CDC14B: variants seen among roughly 807,000 people sequenced by gnomAD.
CDC14B encodes the protein cell division cycle 14B.
CDC14B carries 22 observed loss-of-function variants against 64.2 expected under a neutral mutation model. That is an observed-to-expected ratio of 0.34 (90% CI 0.24 to 0.49). The LOEUF is 0.49. Among genes scored for constraint, CDC14B ranks in the 20% least tolerant of loss-of-function variants. The pLI is 0.99. For synonymous variants in CDC14B, 191 were observed against 215.8 expected, an observed-to-expected ratio of 0.89 and a Z score of 1.01; for missense variants, 498 against 629.9, an observed-to-expected ratio of 0.79 and a Z score of 2.24.
chr9:96,601,998 TC>T (rs530131096), intron 1 of CDC14B, among the ~76,000 whole-genome samples: 1 of 133,902 alleles, frequency 7.5e-6, no homozygotes, highest in Non-Finnish European at 1.6e-5. Context: ...GGCGGAGCTT[TC>T]AGTGAGCCAG....
intron 1 of CDC14B, among the ~76,000 whole-genome samples, chr9:96,587,352 G>A (rs1378990756): frequency 6.6e-6 from 1 of 152,308 alleles, no homozygotes; most frequent in Non-Finnish European, 1.5e-5. Flanking sequence ...AGCACACACG[G>A]AGGAAATAAA....
chr9:96,530,296 G>GCT (rs1838248254), intron 9 of CDC14B, among the ~76,000 whole-genome samples: 1 of 142,360 alleles, frequency 7.0e-6, no homozygotes, highest in Admixed American at 7.1e-5. Context: ...TTCTCTCTCT[G>GCT]TTTTTTTTTT....
chr9:96,505,154 C>T (rs187707502), intron 13 of CDC14B, among the ~76,000 whole-genome samples: 1 of 151,086 alleles, frequency 6.6e-6, no homozygotes, highest in East Asian at 1.9e-4. Context: ...GCACTCCAGC[C>T]TGGGTAACAG....
At chr9:96,517,643 C>CAAAAAAAAAA (rs1016405679) in intron 12 of CDC14B, among the ~76,000 whole-genome samples, 23 of 34,628 alleles carry the variant, frequency 6.6e-4, no homozygotes, top group African/African-American at 3.1e-3. Flanking sequence ...GACTCCGTCT[C>CAAAAAAAAAA]AAAAAAAAAA....
intron 9 of CDC14B, among the ~76,000 whole-genome samples, chr9:96,529,943 T>G (rs7025949): frequency 0.052 from 7,916 of 152,234 alleles, 695 homozygotes; most frequent in African/African-American, 0.18. Context: ...TTGACAGGCT[T>G]GCATTGAATC....
intron 5 of CDC14B, among the ~76,000 whole-genome samples, chr9:96,543,286 C>G (rs1008081565): frequency 6.7e-6 from 1 of 149,646 alleles, no homozygotes; most frequent in Admixed American, 6.6e-5. Context: ...GTGAGCGGAG[C>G]TTGCGCCATT....
intron 1 of CDC14B, among the ~76,000 whole-genome samples, chr9:96,589,253 T>C (rs2118553634): frequency 6.6e-6 from 1 of 151,902 alleles, no homozygotes; most frequent in Admixed American, 6.6e-5. Context: ...GCAGGAGAAC[T>C]GTTTGAACCT....
At position 96,596,650 on chromosome 9, in the gene CDC14B, C is replaced by T. The variant is rs914519341; in HGVS notation, c.160+22569G>A. On this transcript the variant is annotated intron_variant, in intron 1 of 13. Coordinates refer to ENST00000375241, the MANE Select transcript of CDC14B (RefSeq NM_033331.4). ...CCAAGGAGGGGGGATTGCTTGGGCC[C>T]GGAAGTTGGAGACCAGCCTGGATAA... Among the ~76,000 whole-genome samples, 10 of 152,030 alleles carry T rather than the reference C, an allele frequency of 6.6e-5. No individual in the cohort carries two copies. In the Middle Eastern group the frequency reaches 0.01, roughly 155 times the overall value.
Position 96,502,692 on chromosome 9 carries a change from C to T in CDC14B, c.*1061G>A, listed in dbSNP as rs1000257282. On this transcript the variant is annotated 3_prime_UTR_variant, in exon 14 of 14. Transcript: ENST00000375241. ...TCCAGTAGGGCTGCGGGAGAAGGCA[C>T]TCTGCAGAGTTACTAGTTGTGTTCC... is the stretch of plus-strand genomic sequence containing the variant. 2.6e-6 allele frequency: 1 copy of T among 390,538 alleles called. No individual in the cohort carries two copies. Among genetic ancestry groups the T allele is most frequent in the Non-Finnish European group, 4.5e-6 (1 of 221,812 alleles). 24.2% of individuals were successfully genotyped at this position (390,538 alleles called of 1,614,324 possible).
chr9:96,523,336 G>A lies in CDC14B; in HGVS notation c.1170C>T (p.Phe390=). The change falls in exon 11 of 14, where the codon TTC becomes TTT. Residue 390 remains phenylalanine, a synonymous_variant. Coordinates refer to ENST00000375241, the MANE Select transcript of CDC14B (RefSeq NM_033331.4). The part of the protein sequence containing the change: ...GQENGQHRAA[F]SKLLSGVDDI... ...CATCAACGCCAGAGAGAAGTTTGGA[G>A]AAGGCTGCTCTGTGTTGTCCATTCT... is the stretch of plus-strand genomic sequence containing the variant. 1.9e-6 allele frequency: 3 copies of A among 1,614,134 alleles called. No homozygotes were observed. The highest frequency in any genetic ancestry group is 8.5e-7 in the Non-Finnish European group (1 of 1,179,998).
At chr9:96,616,534 G>A (rs1847639733) in intron 1 of CDC14B, among the ~76,000 whole-genome samples, 1 of 151,836 alleles carries the variant, frequency 6.6e-6, no homozygotes. Flanking sequence ...GACTAGCCTG[G>A]ACAACATGGT....
chr9:96,547,406 C>T (rs949938832), intron 5 of CDC14B, among the ~76,000 whole-genome samples: 28 of 151,092 alleles, frequency 1.9e-4, no homozygotes, highest in South Asian at 2.1e-4. Flanking sequence ...GTGGAGGCTG[C>T]AGTGAGCCGA....
At chr9:96,535,938 C>A (rs543366447) in intron 7 of CDC14B, among the ~76,000 whole-genome samples, 1 of 152,288 alleles carries the variant, frequency 6.6e-6, no homozygotes, top group South Asian at 2.1e-4. Flanking sequence ...AAGGTCAAAG[C>A]AGGAATGAGG....
chr9:96,609,257 G>A (rs543115050), intron 1 of CDC14B, among the ~76,000 whole-genome samples: 15 of 152,180 alleles, frequency 9.9e-5, no homozygotes, highest in African/African-American at 2.6e-4. Flanking sequence ...GAGCCACTGC[G>A]CCCAGACCAA....
chr9:96,603,585 G>A (rs1846651939), intron 1 of CDC14B, among the ~76,000 whole-genome samples: 2 of 152,180 alleles, frequency 1.3e-5, no homozygotes, highest in East Asian at 3.8e-4. Context: ...ACTGACATTC[G>A]AGAAACTGCA....
intron 1 of CDC14B, among the ~76,000 whole-genome samples, chr9:96,601,138 C>G (rs1247271003): frequency 2.0e-5 from 3 of 147,690 alleles, no homozygotes; most frequent in Non-Finnish European, 4.5e-5. Flanking sequence ...GACTCCCTCT[C>G]AAAAAAAAAA....
intron 4 of CDC14B, among the ~76,000 whole-genome samples, chr9:96,557,241 G>C (rs946977386): frequency 7.2e-5 from 11 of 152,230 alleles, no homozygotes; most frequent in African/African-American, 2.7e-4. Flanking sequence ...CTGAGGGCCT[G>C]TGCCGTCCCT....
downstream of CDC14B, among the ~76,000 whole-genome samples, chr9:96,496,858 G>C (rs1264437707): frequency 6.6e-6 from 1 of 152,236 alleles, no homozygotes; most frequent in African/African-American, 2.4e-5. Context: ...CAGGACAAGC[G>C]GCATTGGAAG....
In CDC14B at chr9:96,619,458, G is replaced by A; in HGVS notation, c.-80C>T. ...GCCCGCCGAGGCTCCCGCCAGCCCCGCGCGGGCGCTCGGGGCGGCGGGCGC... is the reference window on the plus strand; with the variant it reads ...GCCCGCCGAGGCTCCCGCCAGCCCCACGCGGGCGCTCGGGGCGGCGGGCGC... On this transcript the variant is annotated 5_prime_UTR_variant, in exon 1 of 14. Transcript: ENST00000375241. 2.4e-6 allele frequency: 2 copies of A among 840,426 alleles called. No individual in the cohort carries two copies. Among genetic ancestry groups the A allele is most frequent in the African/African-American group, 1.9e-5 (1 of 52,982 alleles). 52.1% of individuals were successfully genotyped at this position (840,426 alleles called of 1,614,324 possible). A position where few individuals can be genotyped will look rare whatever the true frequency, so the allele number is the denominator to read the frequency against.
Sources: allele counts gnomAD v4.1 joint callset (sites outside exome capture counted in the v4.1 genomes callset), GRCh38; gene constraint gnomAD v4.1.1; transcripts MANE v1.5; gene names NCBI Gene and HGNC (gene_info 2026-07-23, HGNC 2026-07-21).